Variants in FGF12 observed in about 807,000 individuals in gnomAD.
FGF12 encodes the protein fibroblast growth factor 12.
Under a neutral mutation model 23.6 loss-of-function variants are expected in FGF12, and 14 were observed. The ratio of observed to expected loss-of-function variants is 0.59; its 90% CI spans 0.39 to 0.93. The LOEUF (loss-of-function observed/expected upper bound fraction) is 0.93. FGF12 is among the 40% of genes least tolerant of loss of function. FGF12 has a pLI of 0.00. For missense variants in FGF12, 175 were observed against 217.8 expected (o/e 0.80, Z 1.24); for synonymous variants, 62 against 77.3 (o/e 0.80, Z 1.04).
At chr3:192,523,141 T>A (rs1024836101) in intron 2 of FGF12, among the ~76,000 whole-genome samples, 1 of 152,172 alleles carries the variant, frequency 6.6e-6, no homozygotes, top group Non-Finnish European at 1.5e-5. Context: ...AAATCCAGAA[T>A]GTGAAGGAGA....
intron 2 of FGF12, among the ~76,000 whole-genome samples, chr3:192,490,600 A>G (rs1364192867): frequency 3.3e-5 from 5 of 152,100 alleles, no homozygotes; most frequent in African/African-American, 7.2e-5. Flanking sequence ...AAAGACAGAG[A>G]TTGATCATAG....
chr3:192,408,524 C>T lies in FGF12; in HGVS notation c.14-47986G>A. 8.3e-7 allele frequency: 1 copy of T among 1,204,462 alleles called. No individual in the cohort carries two copies. The highest frequency in any genetic ancestry group is 1.0e-6 in the Non-Finnish European group (1 of 967,184). The allele number at this position is 1,204,462 out of a possible 1,614,324, so 74.6% of individuals were successfully genotyped here. The stretch of plus-strand genomic sequence containing the variant: ...TAGACGTTTGCACCCCAAACTTGCA[C>T]CCCAAGGCGATCGGCGTCCAAGGGG... On this transcript the variant is annotated intron_variant, in intron 2 of 5. Coordinates refer to ENST00000445105, the MANE Select transcript of FGF12 (RefSeq NM_004113.6). This position sits in a 1 kb window ranked among gnomAD's most constrained non-coding sequence, Gnocchi z 7.3.
chr3:192,724,327 C>G (rs776060907), intron 2 of FGF12, among the ~76,000 whole-genome samples: 7 of 152,056 alleles, frequency 4.6e-5, no homozygotes, highest in Non-Finnish European at 8.8e-5. Context: ...TCAGTGGTTT[C>G]CAAACACTGC....
chr3:192,476,743 G>A (rs1723338021), intron 2 of FGF12, among the ~76,000 whole-genome samples: 1 of 152,162 alleles, frequency 6.6e-6, no homozygotes. Flanking sequence ...AAGAAAGGTT[G>A]TCTGGAGGAC....
chr3:192,409,367 G>A lies in FGF12; in HGVS notation c.14-48829C>T, dbSNP rs1247351667. Among the ~76,000 whole-genome samples the A allele has an allele frequency of 1.3e-5, 2 of 152,144 alleles. No homozygotes were observed. Among genetic ancestry groups the A allele is most frequent in the South Asian group, 2.1e-4 (1 of 4,834 alleles). ...CCGCCATGGTCCACCCGGGGCCGCC[G>A]CACCGAGCTGGTCTCCGCACAGGCT... On this transcript the variant is annotated intron_variant, in intron 2 of 5. Transcript: ENST00000445105. This position sits in a 1 kb window ranked among gnomAD's most constrained non-coding sequence, Gnocchi z 4.8.
At chr3:192,392,724 G>A (rs952744563) in intron 2 of FGF12, among the ~76,000 whole-genome samples, 4 of 151,738 alleles carry the variant, frequency 2.6e-5, no homozygotes, top group African/African-American at 9.7e-5. Context: ...TCTAACCCAC[G>A]ACCTTTTTAA....
At chr3:192,692,835 C>T (rs957250063) in intron 2 of FGF12, among the ~76,000 whole-genome samples, 2 of 151,816 alleles carry the variant, frequency 1.3e-5, no homozygotes, top group Non-Finnish European at 2.9e-5. Flanking sequence ...ATATTATAAG[C>T]CATTTATGAA....
intron 4 of FGF12, among the ~76,000 whole-genome samples, chr3:192,316,479 G>A (rs1485811882): frequency 6.6e-6 from 1 of 152,138 alleles, no homozygotes; most frequent in Non-Finnish European, 1.5e-5. Context: ...AGTGGTTGTG[G>A]GGCTCTGCAT....
intron 2 of FGF12, among the ~76,000 whole-genome samples, chr3:192,427,797 C>G (rs1455489522): frequency 2.6e-5 from 4 of 152,210 alleles, no homozygotes; most frequent in Non-Finnish European, 5.9e-5. Flanking sequence ...CAGCACTCAT[C>G]TGTGTGACTT....
chr3:192,172,809 G>A (rs1306928471), intron 4 of FGF12, among the ~76,000 whole-genome samples: 1 of 150,840 alleles, frequency 6.6e-6, no homozygotes, highest in African/African-American at 2.4e-5. Flanking sequence ...TAAGATTAAT[G>A]AAAACATATG....
intron 4 of FGF12, among the ~76,000 whole-genome samples, chr3:192,228,748 C>A (rs1255157828): frequency 1.3e-5 from 2 of 151,960 alleles, no homozygotes; most frequent in African/African-American, 2.4e-5. Flanking sequence ...GGGCATAGAA[C>A]CATTAAGATG....
intron 4 of FGF12, among the ~76,000 whole-genome samples, chr3:192,213,943 TGGAGTACCA>T (rs1718061477): frequency 1.3e-5 from 2 of 152,208 alleles, no homozygotes; most frequent in African/African-American, 4.8e-5. Flanking sequence ...GGGAACTTCC[TGGAGTACCA>T]GGGCATGAAA....
At chr3:192,257,902 G>T (rs555730545) in intron 4 of FGF12, among the ~76,000 whole-genome samples, 1 of 152,000 alleles carries the variant, frequency 6.6e-6, no homozygotes, top group African/African-American at 2.4e-5. Flanking sequence ...CTTGACTTCT[G>T]AGAGGGCTTG....
In FGF12 at chr3:192,633,798, A is replaced by G. The variant is rs80027907; in HGVS notation, c.13+93383T>C. On this transcript the variant is annotated intron_variant, in intron 2 of 5. Transcript: ENST00000445105. ...TGAAAGTTTAGGGTTTTTGTTGCTCATGATACCCGAACTGGACACCTGGCC... is the reference window on the plus strand; with the variant it reads ...TGAAAGTTTAGGGTTTTTGTTGCTCGTGATACCCGAACTGGACACCTGGCC... Among the ~76,000 whole-genome samples the G allele has an allele frequency of 5.5e-3, 833 of 152,290 alleles. 38 individuals carry two copies. In the South Asian group the frequency reaches 0.11, roughly 20 times the overall value.
chr3:192,600,254 C>G (rs1400881818), intron 2 of FGF12, among the ~76,000 whole-genome samples: 1 of 150,944 alleles, frequency 6.6e-6, no homozygotes, highest in Non-Finnish European at 1.5e-5. Context: ...GTCTATGTGT[C>G]TGTTTTTATA....
At chr3:192,167,757 ATATATATATATAAAATTTTTTTT>A (rs1174869800) in intron 5 of FGF12, among the ~76,000 whole-genome samples, 2 of 30,570 alleles carry the variant, frequency 6.5e-5, no homozygotes, top group Admixed American at 7.6e-4. Flanking sequence ...ATATATATAT[ATATATATATATAAAATTTTTTTT>A]TTTTTTTTTT....
intron 2 of FGF12, among the ~76,000 whole-genome samples, chr3:192,484,868 A>G (rs2108821699): frequency 6.6e-6 from 1 of 152,324 alleles, no homozygotes; most frequent in South Asian, 2.1e-4. Flanking sequence ...TTCAAAGACA[A>G]CAATGCATTT....
intron 2 of FGF12, among the ~76,000 whole-genome samples, chr3:192,374,787 G>A (rs1719399940): frequency 6.6e-6 from 1 of 152,130 alleles, no homozygotes; most frequent in Non-Finnish European, 1.5e-5. Context: ...GTAAAGATTT[G>A]AGCGCAGGCA....
rs1353016324 is a variant in FGF12, at chr3:192,141,137, A to AC, written c.*2871_*2872insG. On this transcript the variant is annotated 3_prime_UTR_variant, in exon 6 of 6. Transcript: ENST00000445105. ...AATCCCAATGCAACTCCAAAAAAAA[A>AC]AAAAAAAAAAAAAAAAAGCTTATTT... is the stretch of plus-strand genomic sequence containing the variant. 3 of 147,480 alleles carry AC rather than the reference A, an allele frequency of 2.0e-5. No individual in the cohort carries two copies. The highest frequency in any genetic ancestry group is 5.1e-5 in the African/African-American group (2 of 39,556). 9.1% of individuals were successfully genotyped at this position (147,480 alleles called of 1,614,324 possible). A position where few individuals can be genotyped will look rare whatever the true frequency, so the allele number is the denominator to read the frequency against.
Sources: allele counts gnomAD v4.1 joint callset (sites outside exome capture counted in the v4.1 genomes callset), GRCh38; gene constraint gnomAD v4.1.1; non-coding constraint Gnocchi (gnomAD v3.1); transcripts MANE v1.5; gene names NCBI Gene and HGNC (gene_info 2026-07-23, HGNC 2026-07-21).